ERBB4: variants seen among roughly 807,000 people sequenced by gnomAD.
The protein encoded by ERBB4 is erb-b2 receptor tyrosine kinase 4, also known as receptor tyrosine-protein kinase erbB-4.
A neutral mutation model predicts 158.0 loss-of-function variants in ERBB4; 42 were observed. The ratio of observed to expected loss-of-function variants is 0.27; its 90% CI spans 0.21 to 0.34. The LOEUF is 0.34. ERBB4 is among the 10% of genes least tolerant of loss of function. The pLI, the probability that ERBB4 is intolerant of heterozygous loss-of-function variation, is 1.00. For synonymous variants in ERBB4, 583 were observed against 558.7 expected (o/e 1.04, Z -0.61); for missense variants, 1,333 against 1,624.1 (o/e 0.82, Z 3.08).
intron 1 of ERBB4, among the ~76,000 whole-genome samples, chr2:212,292,792 G>T (rs572518978): frequency 9.2e-5 from 14 of 152,140 alleles, no homozygotes; most frequent in African/African-American, 3.1e-4. Context: ...GCGTGAAATT[G>T]AAAGATAAAC....
intron 3 of ERBB4, among the ~76,000 whole-genome samples, chr2:211,875,838 C>T (rs2078484675): frequency 6.6e-6 from 1 of 152,160 alleles, no homozygotes; most frequent in South Asian, 2.1e-4. Context: ...TGTTCAGATA[C>T]ACACATACAT....
At chr2:211,541,685 C>A (rs1033581962) in intron 20 of ERBB4, among the ~76,000 whole-genome samples, 9 of 152,016 alleles carry the variant, frequency 5.9e-5, no homozygotes, top group Non-Finnish European at 1.5e-5. Flanking sequence ...GCAATTTCCA[C>A]TCATGGGTAT....
intron 1 of ERBB4, among the ~76,000 whole-genome samples, chr2:212,414,537 T>C (rs944677464): frequency 2.0e-5 from 3 of 152,148 alleles, no homozygotes; most frequent in Non-Finnish European, 2.9e-5. Flanking sequence ...TTTTCTAATG[T>C]GACAGGCTTA....
intron 4 of ERBB4, among the ~76,000 whole-genome samples, chr2:211,762,065 T>C (rs2075430093): frequency 6.6e-6 from 1 of 152,212 alleles, no homozygotes; most frequent in Non-Finnish European, 1.5e-5. Flanking sequence ...GTACCTGGCT[T>C]GTAATAAGCA....
At chr2:212,362,554 AT>A (rs1283727296) in intron 1 of ERBB4, among the ~76,000 whole-genome samples, 9 of 150,620 alleles carry the variant, frequency 6.0e-5, no homozygotes, top group African/African-American at 2.2e-4. Flanking sequence ...TTCATGCCAA[AT>A]GTGCTTAGAT....
At chr2:211,613,481 T>A (rs1309385404) in intron 19 of ERBB4, among the ~76,000 whole-genome samples, 2 of 149,982 alleles carry the variant, frequency 1.3e-5, no homozygotes, top group Non-Finnish European at 2.9e-5. Flanking sequence ...AGAGACAACC[T>A]ACAAAATGGG....
intron 19 of ERBB4, among the ~76,000 whole-genome samples, chr2:211,594,191 C>T (rs989326369): frequency 5.9e-5 from 9 of 152,158 alleles, no homozygotes; most frequent in African/African-American, 2.2e-4. Flanking sequence ...AATCCCAGCA[C>T]TTTGGGAGAC....
rs373671902 is a variant in ERBB4, at chr2:212,296,144, T to C, written c.83-171241A>G. Among the ~76,000 whole-genome samples the C allele has an allele frequency of 2.0e-5, 3 of 151,938 alleles. No individual in the cohort carries two copies. In the East Asian group the frequency reaches 5.8e-4, roughly 30 times the overall value. ...TGAAGCAGCACTATATTAGGTACTT[T>C]ATAAATTTAATCTATAATGATGTAT... is the stretch of plus-strand genomic sequence containing the variant. On this transcript the variant is annotated intron_variant, in intron 1 of 27. Transcript: ENST00000342788.
At chr2:212,306,416 T>G (rs908710574) in intron 1 of ERBB4, among the ~76,000 whole-genome samples, 1 of 151,476 alleles carries the variant, frequency 6.6e-6, no homozygotes, top group African/African-American at 2.4e-5. Context: ...ATGGTTGCTT[T>G]GCTAGAACAG....
intron 3 of ERBB4, among the ~76,000 whole-genome samples, chr2:211,854,801 A>AGT (rs374216061): frequency 1.3e-5 from 2 of 151,854 alleles, no homozygotes; most frequent in Non-Finnish European, 2.9e-5. Flanking sequence ...TGTCCTTTGA[A>AGT]GTGTGTGTGT....
chr2:211,701,336 T>C lies in ERBB4; in HGVS notation c.1489+631A>G, dbSNP rs555980969. Among the ~76,000 whole-genome samples, 44 of 152,206 alleles carry C rather than the reference T, an allele frequency of 2.9e-4. No homozygotes were observed. In the South Asian group the frequency reaches 8.9e-3, roughly 31 times the overall value. The stretch of plus-strand genomic sequence containing the variant: ...TGAAACCAAACAACAAACAGAGAAT[T>C]CAATAGGGTCGATCTCCACAAATTG... On this transcript the variant is annotated intron_variant, in intron 12 of 27. Transcript: ENST00000342788.
chr2:212,473,958 A>G (rs969540501), intron 1 of ERBB4, among the ~76,000 whole-genome samples: 4 of 152,160 alleles, frequency 2.6e-5, no homozygotes, highest in South Asian at 2.1e-4. Flanking sequence ...GGTGGCTTTG[A>G]CAAGTACTTC....
Position 211,382,185 on chromosome 2 carries a change from G to A in ERBB4, c.*1430C>T, listed in dbSNP as rs2062584434. 4.3e-6 allele frequency: 1 copy of A among 230,916 alleles called. No individual in the cohort carries two copies. The highest frequency in any genetic ancestry group is 1.8e-4 in the South Asian group (1 of 5,512). 14.3% of individuals were successfully genotyped at this position (230,916 alleles called of 1,614,324 possible). ...TTTTCTTTTTATTATACCAATTTAT[G>A]TGCAAAGAGTTACCTTCTACTTCAT... On this transcript the variant is annotated 3_prime_UTR_variant, in exon 28 of 28. Transcript: ENST00000342788.
chr2:212,011,121 T>C (rs2076376436), intron 2 of ERBB4, among the ~76,000 whole-genome samples: 2 of 152,130 alleles, frequency 1.3e-5, no homozygotes, highest in Admixed American at 1.3e-4. Flanking sequence ...ATCACAGTGA[T>C]CCTGAGGTGA....
At chr2:211,384,623 A>G (rs1298700619) in intron 27 of ERBB4, among the ~76,000 whole-genome samples, 1 of 152,162 alleles carries the variant, frequency 6.6e-6, no homozygotes, top group Admixed American at 6.6e-5. Context: ...CATGGAAAAG[A>G]AAGCATCAAA....
chr2:211,594,584 T>C (rs2068577186), intron 19 of ERBB4, among the ~76,000 whole-genome samples: 1 of 152,202 alleles, frequency 6.6e-6, no homozygotes, highest in Non-Finnish European at 1.5e-5. Flanking sequence ...ATAATACTGA[T>C]AGATTAGTGT....
At chr2:211,562,932 C>T (rs923030700) in intron 19 of ERBB4, among the ~76,000 whole-genome samples, 2 of 151,912 alleles carry the variant, frequency 1.3e-5, no homozygotes, top group East Asian at 1.9e-4. Flanking sequence ...CCACTACGCC[C>T]GGCTAATGTT....
At chr2:212,080,183 G>A (rs571233102) in intron 2 of ERBB4, among the ~76,000 whole-genome samples, 124 of 151,732 alleles carry the variant, frequency 8.2e-4, no homozygotes, top group Non-Finnish European at 1.3e-3. Context: ...GTGGTGGTGC[G>A]TGCCTGTAAT....
At chr2:211,473,956 C>A (rs537293278) in intron 20 of ERBB4, among the ~76,000 whole-genome samples, 1 of 151,990 alleles carries the variant, frequency 6.6e-6, no homozygotes, top group Non-Finnish European at 1.5e-5. Context: ...CCTGGGTTAT[C>A]GTAAACCCAT....
Sources: allele counts gnomAD v4.1 joint callset (sites outside exome capture counted in the v4.1 genomes callset), GRCh38; gene constraint gnomAD v4.1.1; transcripts MANE v1.5; gene names NCBI Gene and HGNC (gene_info 2026-07-23, HGNC 2026-07-21).